The following CFAP57 variants were observed in gnomAD, a reference collection of about 807,000 sequenced individuals.
The protein encoded by CFAP57 is cilia- and flagella-associated protein 57.
A neutral mutation model predicts 146.8 loss-of-function variants in CFAP57; 116 were observed. The ratio of observed to expected loss-of-function variants is 0.79; its 90% confidence interval spans 0.68 to 0.92. The LOEUF (loss-of-function observed/expected upper bound fraction) is 0.92. Ranked by LOEUF, CFAP57 falls within the 40% of genes least tolerant of loss-of-function variation. The pLI is 0.00. For synonymous variants in CFAP57, 518 were observed against 552.8 expected (o/e 0.94, Z 0.88); for missense variants, 1,377 against 1,527.2 (o/e 0.90, Z 1.64).
In CFAP57 at chr1:43,177,072, G is replaced by A. The variant is rs187747966; in HGVS notation, c.157+4162G>A. On this transcript the variant is annotated intron_variant, in intron 2 of 22. Transcript: ENST00000372492. ...GCTCTTACTCAGAGTCAAATGAGAA[G>A]CCATAAAGGGGTGCGTTCTGAGTGG... 688 of 453,304 alleles carry A rather than the reference G, an allele frequency of 1.5e-3. 4 individuals carry two copies. Among genetic ancestry groups the A allele is most frequent in the Non-Finnish European group, 1.2e-3 (263 of 225,796 alleles). The allele number at this position is 453,304 out of a possible 1,614,324, so 28.1% of individuals were successfully genotyped here. A position where few individuals can be genotyped will look rare whatever the true frequency, so the allele number is the denominator to read the frequency against.
intron 9 of CFAP57, among the ~76,000 whole-genome samples, chr1:43,206,068 T>G (rs914936394): frequency 1.3e-5 from 2 of 152,206 alleles, no homozygotes; most frequent in Non-Finnish European, 2.9e-5. Flanking sequence ...CACTGCAGCC[T>G]CAGCCTCCCC....
At chr1:43,242,923 G>A (rs968804390) in intron 21 of CFAP57, among the ~76,000 whole-genome samples, 2 of 152,070 alleles carry the variant, frequency 1.3e-5, no homozygotes, top group Non-Finnish European at 2.9e-5. Flanking sequence ...TAGCCATAGG[G>A]TTATTATGAT....
At position 43,208,367 on chromosome 1, in the gene CFAP57, A is replaced by G. The variant is rs1191716034; in HGVS notation, c.1756-1376A>G. Reference sequence around the variant, plus strand: ...CATGCACACGTATGTTTATTGTGGCACTATTCACAATAGCAAAGACTTGGA... The same window carrying G: ...CATGCACACGTATGTTTATTGTGGCGCTATTCACAATAGCAAAGACTTGGA... On this transcript the variant is annotated intron_variant, in intron 10 of 22. Coordinates refer to ENST00000372492, the MANE Select transcript of CFAP57 (RefSeq NM_001378189.1). 1.4e-4 allele frequency among the ~76,000 whole-genome samples: 21 copies of G among 152,212 alleles called. 1 individual carries two copies. Among genetic ancestry groups the G allele is most frequent in the Non-Finnish European group, 1.5e-5 (1 of 68,046 alleles).
chr1:43,232,679 G>C, intron 19 of CFAP57, 55 bp downstream of exon 19: 2 of 1,317,054 alleles, frequency 1.5e-6, no homozygotes, highest in Non-Finnish European at 2.1e-6. Context: ...GCACCTATCT[G>C]CAATGGGCAG....
chr1:43,232,972 C>T (rs529550949), intron 19 of CFAP57, among the ~76,000 whole-genome samples: 1 of 152,282 alleles, frequency 6.6e-6, no homozygotes, highest in Non-Finnish European at 1.5e-5. Context: ...GAAAAATTGC[C>T]AAGGCCAGGG....
intron 8 of CFAP57, 88 bp from the exon 9 acceptor site, chr1:43,199,302 C>G: frequency 1.6e-6 from 2 of 1,264,408 alleles, no homozygotes; most frequent in South Asian, 1.2e-5. Flanking sequence ...TCAGTCTGAA[C>G]TCGTTGGGAA....
At chr1:43,196,295 A>G (rs2124407970) in intron 6 of CFAP57, 1 of 152,868 alleles carries the variant, frequency 6.5e-6, no homozygotes, top group South Asian at 2.1e-4. Context: ...GCTAATAGGA[A>G]TGTGCTCATA....
chr1:43,223,408 G>C (rs1006242340), intron 16 of CFAP57, among the ~76,000 whole-genome samples: 1 of 152,236 alleles, frequency 6.6e-6, no homozygotes, highest in Non-Finnish European at 1.5e-5. Context: ...GGTCCAGGGA[G>C]TCATGGGCGG....
intron 9 of CFAP57, among the ~76,000 whole-genome samples, chr1:43,203,427 A>G (rs777132997): frequency 6.6e-6 from 1 of 152,088 alleles, no homozygotes. Flanking sequence ...AAAAAAAAAT[A>G]AGCTAGTCTT....
chr1:43,234,854 C>A (rs75126658), intron 21 of CFAP57, among the ~76,000 whole-genome samples: 5,267 of 152,164 alleles, frequency 0.035, 310 homozygotes, highest in African/African-American at 0.12. Context: ...CTAGGCACTT[C>A]CATGCTGCAC....
chr1:43,216,259 G>A (rs550629218), intron 12 of CFAP57, among the ~76,000 whole-genome samples: 14 of 152,292 alleles, frequency 9.2e-5, no homozygotes, highest in African/African-American at 3.1e-4. Flanking sequence ...TCAAGTGAGG[G>A]ATAGAAACAA....
At chr1:43,196,233 A>G (rs1204829877) in intron 6 of CFAP57, among the ~76,000 whole-genome samples, 1 of 152,218 alleles carries the variant, frequency 6.6e-6, no homozygotes, top group Non-Finnish European at 1.5e-5. Context: ...CAGAGGGGGA[A>G]GAGAGAGCAT....
At chr1:43,249,421 CTTTTTTTT>C (rs60189164) in intron 22 of CFAP57, among the ~76,000 whole-genome samples, 3 of 67,924 alleles carry the variant, frequency 4.4e-5, no homozygotes, top group South Asian at 1.2e-3. Context: ...TTAACCATTT[CTTTTTTTT>C]TTTTTTTTTT....
Position 43,185,180 on chromosome 1 carries a change from C to T in CFAP57, c.793C>T (p.Leu265Phe). ...TGAATTTCCACCAGTCAGTTCTCCA[C>T]TCCCTTCCTATGAACAGATGGTGGC... ...LIEFPPVSSP[L>F]PSYEQMVAAS... Residue 265 changes from leucine (L) to phenylalanine (F), a missense_variant, in exon 5 of 23, where the codon CTC becomes TTC. Physicochemically the swap from Leu to Phe is conservative, Grantham distance 22. Transcript: ENST00000372492. The T allele has an allele frequency of 6.2e-7, 1 of 1,614,154 alleles. No individual in the cohort carries two copies. Among genetic ancestry groups the T allele is most frequent in the Non-Finnish European group, 8.5e-7 (1 of 1,180,036 alleles).
intron 2 of CFAP57, among the ~76,000 whole-genome samples, chr1:43,181,117 G>A (rs1015075151): frequency 2.6e-5 from 4 of 152,034 alleles, no homozygotes; most frequent in Non-Finnish European, 4.4e-5. Context: ...TGTCTCCCGG[G>A]CTGGAGTACA....
intron 22 of CFAP57, among the ~76,000 whole-genome samples, chr1:43,250,853 AG>A (rs1158640751): frequency 1.3e-4 from 20 of 152,354 alleles, no homozygotes; most frequent in African/African-American, 4.8e-4. Context: ...TGAAACAGTC[AG>A]GGTGCTTCCC....
intron 12 of CFAP57, 144 bp downstream of exon 12, chr1:43,215,560 C>T: frequency 1.0e-6 from 1 of 953,380 alleles, no homozygotes; most frequent in Non-Finnish European, 1.5e-6. Flanking sequence ...ATCTGCTGTC[C>T]CCACAACCAA....
At chr1:43,202,208 T>C (rs548284257) in intron 9 of CFAP57, among the ~76,000 whole-genome samples, 4 of 152,226 alleles carry the variant, frequency 2.6e-5, no homozygotes, top group African/African-American at 9.6e-5. Flanking sequence ...ATATACTGTG[T>C]TAGAAATGAA....
chr1:43,230,394 C>T (rs1057143971), intron 18 of CFAP57, among the ~76,000 whole-genome samples: 2 of 152,324 alleles, frequency 1.3e-5, no homozygotes, highest in Non-Finnish European at 1.5e-5. Context: ...GCATCAGGCC[C>T]TCTAAGATGC....
Sources: allele counts gnomAD v4.1 joint callset (sites outside exome capture counted in the v4.1 genomes callset), GRCh38; gene constraint gnomAD v4.1.1; transcripts MANE v1.5; gene names NCBI Gene and HGNC (gene_info 2026-07-23, HGNC 2026-07-21).